MID2: variants seen among roughly 807,000 people sequenced by gnomAD.
MID2 encodes probable E3 ubiquitin-protein ligase MID2.
MID2 carries 13 observed loss-of-function variants against 46.1 expected under a neutral mutation model. The observed-to-expected ratio is 0.28, with a 90% CI of 0.18 to 0.45. MID2 has a LOEUF of 0.45. Among genes scored for constraint, MID2 ranks in the 20% least tolerant of loss-of-function variants. MID2 has a pLI of 1.00. For synonymous variants in MID2, 199 were observed against 212.3 expected (o/e 0.94, Z 0.55); for missense variants, 431 against 575.4 (o/e 0.75, Z 2.57).
At chrX:107,871,330 T>C (rs1251792307) in intron 3 of MID2, among the ~76,000 whole-genome samples, 5 of 111,423 alleles carry the variant, frequency 4.5e-5, no homozygotes, top group African/African-American at 1.6e-4. Context: ...GTTCCACGCC[T>C]TGCAGGAGGG....
At chrX:107,898,406 C>G (rs1033822749) in intron 3 of MID2, among the ~76,000 whole-genome samples, 1 of 112,036 alleles carries the variant, frequency 8.9e-6, no homozygotes, top group African/African-American at 3.2e-5. Context: ...CCCTTAAGCT[C>G]CATTTCTAGC....
At chrX:107,874,873 A>G (rs764461482) in intron 3 of MID2, among the ~76,000 whole-genome samples, 1 of 111,707 alleles carries the variant, frequency 9.0e-6, no homozygotes, top group African/African-American at 3.3e-5. Context: ...GATCAGACCA[A>G]GGTACTTCAC....
At chrX:107,873,281 G>T (rs933420104) in intron 3 of MID2, among the ~76,000 whole-genome samples, 1 of 110,271 alleles carries the variant, frequency 9.1e-6, no homozygotes, top group Admixed American at 9.6e-5. Context: ...TTTGGCATAT[G>T]GGTGAAATCC....
At chrX:107,865,144 T>C (rs987376696) in intron 3 of MID2, among the ~76,000 whole-genome samples, 4 of 112,029 alleles carry the variant, frequency 3.6e-5, no homozygotes, top group Non-Finnish European at 7.5e-5. Flanking sequence ...TTAATGACTA[T>C]GCTGTATTAA....
chrX:107,835,839 C>A (rs1931189689), intron 1 of MID2, among the ~76,000 whole-genome samples: 1 of 111,903 alleles, frequency 8.9e-6, no homozygotes, highest in Non-Finnish European at 1.9e-5. Flanking sequence ...GTGCTTTTTG[C>A]AGCACTCAAA....
chrX:107,896,915 T>A (rs1414855039), intron 3 of MID2, among the ~76,000 whole-genome samples: 1 of 111,373 alleles, frequency 9.0e-6, no homozygotes, highest in African/African-American at 3.3e-5. Flanking sequence ...TTACTAGTTA[T>A]ATGACCTTGG....
intron 5 of MID2, among the ~76,000 whole-genome samples, chrX:107,911,959 A>G (rs1932901827): frequency 8.9e-6 from 1 of 111,848 alleles, no homozygotes; most frequent in African/African-American, 3.3e-5. Flanking sequence ...GACTGCTTTT[A>G]GTATAATGTC....
intron 1 of MID2, among the ~76,000 whole-genome samples, chrX:107,831,150 T>G (rs775208496): frequency 1.8e-5 from 2 of 111,740 alleles, no homozygotes; most frequent in East Asian, 5.6e-4. Context: ...CACTCTAGGA[T>G]GCTGGTTCAG....
At chrX:107,881,556 G>A (rs1232347586) in intron 3 of MID2, among the ~76,000 whole-genome samples, 1 of 111,946 alleles carries the variant, frequency 8.9e-6, no homozygotes, top group East Asian at 2.8e-4. Context: ...AATGACATAT[G>A]AATGAACAGA....
At chrX:107,922,354 A>AC (rs757560837) in intron 7 of MID2, among the ~76,000 whole-genome samples, 18 of 112,007 alleles carry the variant, frequency 1.6e-4, no homozygotes, top group Non-Finnish European at 3.2e-4. Context: ...TTTTCCTCCC[A>AC]CCCCCACTAC....
chrX:107,893,274 AAC>A lies in MID2; in HGVS notation c.817-10680_817-10679del, dbSNP rs758420853. Reference sequence around the variant, plus strand: ...ACAGATCTTCTCACTTCGTGTAAAAAACACAGTCTTTGTCAGTGCTTCTTTTT... The same window carrying A: ...ACAGATCTTCTCACTTCGTGTAAAAAACAGTCTTTGTCAGTGCTTCTTTTT... On this transcript the variant is annotated intron_variant, in intron 3 of 9. Transcript: ENST00000262843. Among the ~76,000 whole-genome samples the A allele has an allele frequency of 3.3e-3, 368 of 112,893 alleles. 2 individuals carry two copies. Among genetic ancestry groups the A allele is most frequent in the Non-Finnish European group, 5.5e-3 (291 of 53,335 alleles).
chrX:107,884,986 C>A (rs972982790), intron 3 of MID2, among the ~76,000 whole-genome samples: 1 of 111,760 alleles, frequency 8.9e-6, no homozygotes, highest in Non-Finnish European at 1.9e-5. Flanking sequence ...ACAACCATAA[C>A]TAATTATTTC....
intron 3 of MID2, among the ~76,000 whole-genome samples, chrX:107,865,819 C>T (rs1209649093): frequency 8.9e-6 from 1 of 112,630 alleles, no homozygotes; most frequent in Non-Finnish European, 1.9e-5. Flanking sequence ...TGTATAGCAC[C>T]AGTGCTAGTC....
At chrX:107,863,348 G>A (rs1382213316) in intron 3 of MID2, among the ~76,000 whole-genome samples, 1 of 111,822 alleles carries the variant, frequency 8.9e-6, no homozygotes, top group Non-Finnish European at 1.9e-5. Context: ...TATAGGGCAG[G>A]TAAGCTTTCA....
chrX:107,837,046 A>G (rs1337818171), intron 1 of MID2, among the ~76,000 whole-genome samples: 1 of 111,737 alleles, frequency 8.9e-6, no homozygotes, highest in Non-Finnish European at 1.9e-5. Context: ...ACATTCTGCA[A>G]ACAGTTCTAG....
At chrX:107,907,212 A>G (rs1932843523) in intron 5 of MID2, among the ~76,000 whole-genome samples, 1 of 112,337 alleles carries the variant, frequency 8.9e-6, no homozygotes, top group Admixed American at 9.4e-5. Flanking sequence ...TCACAAATGT[A>G]TAGCTTCTAA....
chrX:107,910,768 TTTTCCTTTCCTTTCCTTTCCTTTCC>T (rs1556378040), intron 5 of MID2, among the ~76,000 whole-genome samples: 2 of 20,013 alleles, frequency 1.0e-4, no homozygotes. Flanking sequence ...CTGTTATAGA[TTTTCCTTTCCTTTCCTTTCCTTTCC>T]TTTCCTTTCC....
chrX:107,833,887 G>A (rs777185803), intron 1 of MID2, among the ~76,000 whole-genome samples: 1 of 111,430 alleles, frequency 9.0e-6, no homozygotes, highest in East Asian at 2.8e-4. Context: ...TCGACCTGCT[G>A]GACTCAAGCG....
At chrX:107,889,965 C>G (rs1002432073) in intron 3 of MID2, among the ~76,000 whole-genome samples, 12 of 112,007 alleles carry the variant, frequency 1.1e-4, no homozygotes, top group Non-Finnish European at 1.7e-4. Flanking sequence ...GTTTTCAGCT[C>G]CATCAGGTCC....
Sources: gnomAD v4.1 joint callset for allele counts (sites outside exome capture counted in the v4.1 genomes callset) on GRCh38, gnomAD v4.1.1 for gene constraint, MANE v1.5 for transcripts, NCBI Gene and HGNC (gene_info 2026-07-23, HGNC 2026-07-21) for gene names.